The following DNAH5 variants were observed in gnomAD, a reference collection of about 807,000 sequenced individuals.
DNAH5 encodes dynein axonemal heavy chain 5.
A neutral mutation model predicts 518.2 loss-of-function variants in DNAH5; 372 were observed. That is an observed-to-expected ratio of 0.72 (90% CI 0.66 to 0.78). The LOEUF (loss-of-function observed/expected upper bound fraction) is 0.78. Ranked by LOEUF, DNAH5 falls within the 30% of genes least tolerant of loss-of-function variation. The pLI is 0.00. For missense variants in DNAH5, 5,523 were observed against 5,687.0 expected, an observed-to-expected ratio of 0.97 and a Z score of 0.93; for synonymous variants, 2,039 against 2,025.9, an observed-to-expected ratio of 1.01 and a Z score of -0.17.
rs777472272 is a variant in DNAH5, at chr5:13,751,217, C to G, written c.11072G>C (p.Arg3691Thr). ...AGGCAATTTGGTGGTAATGTAGAGT[C>G]TAAAGCCATCCAACACATCTACTTC... ...DKEVDVLDGF[R>T]LYITTKLPNP... Residue 3691 changes from arginine to threonine, a missense_variant, in exon 65 of 79, where the codon AGA becomes ACA. Transcript: ENST00000265104. 9.9e-6 allele frequency: 16 copies of G among 1,613,798 alleles called. No individual in the cohort carries two copies. The highest frequency in any genetic ancestry group is 1.3e-5 in the African/African-American group (1 of 74,996).
chr5:13,696,905 T>C (rs1016987299), intron 78 of DNAH5, among the ~76,000 whole-genome samples: 1 of 152,332 alleles, frequency 6.6e-6, no homozygotes, highest in Admixed American at 6.5e-5. Context: ...CTGCTGCTAA[T>C]GAGCATCACC....
chr5:13,766,148 C>A lies in DNAH5; in HGVS notation c.9929G>T (p.Arg3310Leu). ...TIRPSDIATV[R>L]TLGRPPHLIM... ...GAGGTGAGGGGGGCGGCCCAACGTG[C>A]GAACAGTGGCGATGTCCGAAGGCCT... The change falls in exon 59 of 79, where the codon CGC becomes CTC. Residue 3310 changes from arginine to leucine, a missense_variant. Physicochemically the swap from Arg to Leu is moderately radical, Grantham distance 102. This residue lies in a region of DNAH5 where 5,121 missense variants were observed against 5,223.3 expected (regional missense o/e 0.98). Transcript: ENST00000265104. 1 of 1,614,144 alleles carries A rather than the reference C, an allele frequency of 6.2e-7. No individual in the cohort carries two copies. The highest frequency in any genetic ancestry group is 1.1e-5 in the South Asian group (1 of 91,082).
chr5:13,701,168 A>G (rs950226434), intron 77 of DNAH5, 116 bp downstream of exon 77: 6 of 1,381,584 alleles, frequency 4.3e-6, no homozygotes, highest in Non-Finnish European at 6.2e-6. Context: ...TGTAACTGCT[A>G]GTACCAAAAA....
intron 24 of DNAH5, 30 bp from the exon 25 acceptor site, chr5:13,868,022 G>T: frequency 6.4e-7 from 1 of 1,557,562 alleles, no homozygotes; most frequent in Non-Finnish European, 8.8e-7. Flanking sequence ...ACTTAATTTT[G>T]GCCAGTCAGA....
chr5:13,861,952 C>CAA (rs59674964), intron 29 of DNAH5, among the ~76,000 whole-genome samples: 1,885 of 49,616 alleles, frequency 0.038, 85 homozygotes, highest in Middle Eastern at 0.06. Flanking sequence ...GATTCCATCT[C>CAA]AAAAAAAAAA....
intron 61 of DNAH5, among the ~76,000 whole-genome samples, chr5:13,755,171 A>G (rs1358489209): frequency 6.6e-6 from 1 of 152,140 alleles, no homozygotes; most frequent in Non-Finnish European, 1.5e-5. Context: ...TTTAAGCAAC[A>G]ATTGCTTATT....
chr5:13,762,086 C>T (rs1751863625), intron 60 of DNAH5, among the ~76,000 whole-genome samples: 1 of 152,064 alleles, frequency 6.6e-6, no homozygotes, highest in African/African-American at 2.4e-5. Context: ...TTCAAAAAAC[C>T]CACTCTCCAT....
At chr5:14,008,803 AG>A (rs1231301283) in intron 1 of DNAH5, among the ~76,000 whole-genome samples, 1 of 152,250 alleles carries the variant, frequency 6.6e-6, no homozygotes, top group Non-Finnish European at 1.5e-5. Flanking sequence ...TGAACTGCCC[AG>A]GTATCTGTAA....
intron 50 of DNAH5, among the ~76,000 whole-genome samples, chr5:13,790,316 G>T (rs1756756165): frequency 6.6e-6 from 1 of 152,204 alleles, no homozygotes; most frequent in Non-Finnish European, 1.5e-5. Flanking sequence ...ATCAGTGGCA[G>T]ATTGGATAAA....
At chr5:13,921,511 A>G in intron 5 of DNAH5, among the ~76,000 whole-genome samples, 1 of 145,518 alleles carries the variant, frequency 6.9e-6, no homozygotes, top group Admixed American at 6.9e-5. Context: ...ACACACACAC[A>G]CACACACAAG....
At chr5:13,975,128 AAAAG>A (rs1441881392) in intron 1 of DNAH5, among the ~76,000 whole-genome samples, 2 of 152,190 alleles carry the variant, frequency 1.3e-5, no homozygotes, top group Non-Finnish European at 2.9e-5. Context: ...GGCAATTTAC[AAAAG>A]AAAGAGGTTT....
At chr5:13,944,131 A>G (rs1479250708) in intron 1 of DNAH5, among the ~76,000 whole-genome samples, 3 of 152,222 alleles carry the variant, frequency 2.0e-5, no homozygotes, top group African/African-American at 7.2e-5. Flanking sequence ...TCTTCCCAAA[A>G]GATGCAGCAT....
chr5:13,811,918 A>G (rs1404711748), intron 43 of DNAH5, 95 bp from the exon 44 acceptor site: 8 of 1,036,270 alleles, frequency 7.7e-6, no homozygotes, highest in Non-Finnish European at 1.2e-5. Flanking sequence ...TCTGTTAATA[A>G]TGATAATATC....
intron 47 of DNAH5, among the ~76,000 whole-genome samples, chr5:13,804,748 A>C (rs1759311252): frequency 6.6e-6 from 1 of 152,212 alleles, no homozygotes; most frequent in Non-Finnish European, 1.5e-5. Context: ...AGATAATGGG[A>C]GCCTAAGGAA....
At chr5:13,923,147 T>C (rs943278761) in intron 4 of DNAH5, 133 bp downstream of exon 4, 8 of 1,234,040 alleles carry the variant, frequency 6.5e-6, no homozygotes, top group Non-Finnish European at 9.3e-6. Context: ...CTTTAAATTT[T>C]TAAAAAATAC....
intron 24 of DNAH5, among the ~76,000 whole-genome samples, chr5:13,870,225 A>G (rs1478032703): frequency 6.6e-6 from 1 of 152,180 alleles, no homozygotes; most frequent in Non-Finnish European, 1.5e-5. Flanking sequence ...CGCCCCATCC[A>G]GGTCCCGATT....
At chr5:13,895,910 T>G (rs556903360) in intron 15 of DNAH5, among the ~76,000 whole-genome samples, 1 of 151,990 alleles carries the variant, frequency 6.6e-6, no homozygotes, top group Non-Finnish European at 1.5e-5. Flanking sequence ...AAACCCAGAG[T>G]CATCCTTGAT....
chr5:13,696,559 A>C (rs1390578112), intron 78 of DNAH5, among the ~76,000 whole-genome samples: 1 of 152,188 alleles, frequency 6.6e-6, no homozygotes, highest in Non-Finnish European at 1.5e-5. Flanking sequence ...AAATCAAAAA[A>C]TTTCCTTCAT....
chr5:13,976,577 T>C (rs1368617352), intron 1 of DNAH5, among the ~76,000 whole-genome samples: 1 of 152,174 alleles, frequency 6.6e-6, no homozygotes, highest in Admixed American at 6.6e-5. Flanking sequence ...CAGTATATTG[T>C]TGTAATTGTT....
Sources: gnomAD v4.1 joint callset for allele counts (sites outside exome capture counted in the v4.1 genomes callset) on GRCh38, gnomAD v4.1.1 for gene constraint, gnomAD v4.1.1 regional missense constraint, MANE v1.5 for transcripts, NCBI Gene and HGNC (gene_info 2026-07-23, HGNC 2026-07-21) for gene names.